Variants in UGT1A10 observed in about 807,000 individuals in gnomAD.
UGT1A10 encodes the protein UDP-glucuronosyltransferase 1A10.
A neutral mutation model predicts 45.8 loss-of-function variants in UGT1A10; 49 were observed. The ratio of observed to expected loss-of-function variants is 1.07; its 90% CI spans 0.85 to 1.36. The LOEUF is 1.36. Among genes scored for constraint, UGT1A10 ranks in the 40% most tolerant of loss-of-function variants. UGT1A10 has a pLI of 0.00. For synonymous variants in UGT1A10, 284 were observed against 249.7 expected (o/e 1.14, Z -1.29); for missense variants, 745 against 668.6 (o/e 1.11, Z -1.26).
intron 1 of UGT1A10, among the ~76,000 whole-genome samples, chr2:233,715,395 T>C (rs1475144690): frequency 6.6e-6 from 1 of 152,246 alleles, no homozygotes. Context: ...TATCATTAAA[T>C]AATAATCCTT....
chr2:233,757,554 ATATATATG>A lies in UGT1A10; in HGVS notation c.856-9471_856-9464del, dbSNP rs1052235726. On this transcript the variant is annotated intron_variant, in intron 1 of 4. Transcript: ENST00000344644. ...GTAAGGAATATATATATATATATAT[ATATATATG>A]TATATATGATATAGCTATAGTCTAA... Among the ~76,000 whole-genome samples the A allele has an allele frequency of 3.8e-3, 481 of 125,326 alleles. 1 individual carries two copies. Among genetic ancestry groups the A allele is most frequent in the Non-Finnish European group, 4.6e-3 (284 of 61,224 alleles). 82.2% of individuals were successfully genotyped at this position (125,326 alleles called of 152,430 possible).
intron 1 of UGT1A10, among the ~76,000 whole-genome samples, chr2:233,663,541 G>A (rs1575409679): frequency 6.6e-6 from 1 of 152,260 alleles, no homozygotes. Flanking sequence ...CTGATCTTAG[G>A]AGTGGTTTAG....
At chr2:233,641,999 A>G (rs1229612010) in intron 1 of UGT1A10, among the ~76,000 whole-genome samples, 1 of 152,090 alleles carries the variant, frequency 6.6e-6, no homozygotes, top group Non-Finnish European at 1.5e-5. Context: ...TTTGGGTTAA[A>G]TGTGCTTGGT....
At chr2:233,651,655 C>A (rs1468775526) in intron 1 of UGT1A10, among the ~76,000 whole-genome samples, 3 of 152,126 alleles carry the variant, frequency 2.0e-5, no homozygotes, top group Admixed American at 1.3e-4. Context: ...TTTCTCTTTC[C>A]TTATTTAGAA....
chr2:233,671,895 C>G, intron 1 of UGT1A10: 1 of 1,568,798 alleles, frequency 6.4e-7, no homozygotes, highest in Non-Finnish European at 8.6e-7. Context: ...ATCATAGGAG[C>G]TTAGATTCCC....
At chr2:233,662,817 GTT>G (rs34052709) in intron 1 of UGT1A10, among the ~76,000 whole-genome samples, 94 of 139,366 alleles carry the variant, frequency 6.7e-4, no homozygotes, top group African/African-American at 1.6e-3. Flanking sequence ...TTTGCTGAGA[GTT>G]TTTTTTTTTT....
intron 1 of UGT1A10, among the ~76,000 whole-genome samples, chr2:233,761,933 C>T (rs1191781087): frequency 1.3e-5 from 2 of 152,210 alleles, no homozygotes; most frequent in Admixed American, 1.3e-4. Flanking sequence ...AGGCACTTCC[C>T]AGGTGCTGCG....
At chr2:233,747,791 T>C in intron 1 of UGT1A10, 7 of 1,613,564 alleles carry the variant, frequency 4.3e-6, no homozygotes, top group Non-Finnish European at 5.9e-6. Context: ...CTTCCTCCTA[T>C]ATTCCTAAGT....
rs147479386 is a variant in UGT1A10 at position 233,767,984 on chromosome 2, G to A, written c.1075+48G>A. The A allele has an allele frequency of 9.4e-4, 1,519 of 1,614,138 alleles. 17 individuals carry two copies. The African/African-American group carries it at 0.018, about 19-fold the overall frequency. On this transcript the variant is annotated intron_variant, in intron 3 of 4. Transcript: ENST00000344644. ...ATAGGTCAAACCAGGGTCAAATTAAGAAAATGGCTTAAGCACAGCTATTCT... is the reference window on the plus strand; with the variant it reads ...ATAGGTCAAACCAGGGTCAAATTAAAAAAATGGCTTAAGCACAGCTATTCT...
rs1263379860 is a variant in UGT1A10 at position 233,724,980 on chromosome 2, C to T, written c.856-42054C>T. 2.1e-5 allele frequency among the ~76,000 whole-genome samples: 3 copies of T among 144,408 alleles called. 1 individual carries two copies. Among genetic ancestry groups the T allele is most frequent in the East Asian group, 2.1e-4 (1 of 4,756 alleles). The allele number at this position is 144,408 out of a possible 152,430, so 94.7% of individuals were successfully genotyped here. Reference sequence around the variant, plus strand: ...GGGAGGCCGAGGTTGGCGGATCACTCGCGGTTAGGGGCTGGAGACCGGCCC... The same window carrying T: ...GGGAGGCCGAGGTTGGCGGATCACTTGCGGTTAGGGGCTGGAGACCGGCCC... On this transcript the variant is annotated intron_variant, in intron 1 of 4. Transcript: ENST00000344644.
At chr2:233,674,157 AAC>A (rs1364542025) in intron 1 of UGT1A10, among the ~76,000 whole-genome samples, 62 of 152,294 alleles carry the variant, frequency 4.1e-4, no homozygotes, top group Middle Eastern at 6.8e-3. Flanking sequence ...TAGACTTGGT[AAC>A]ACAGTCATAT....
intron 1 of UGT1A10, among the ~76,000 whole-genome samples, chr2:233,673,121 T>A (rs942765449): frequency 6.6e-6 from 1 of 152,190 alleles, no homozygotes; most frequent in South Asian, 2.1e-4. Context: ...GAGGAAATGG[T>A]CTTAGTTTTG....
chr2:233,735,701 C>T (rs2078683713), intron 1 of UGT1A10, among the ~76,000 whole-genome samples: 1 of 151,894 alleles, frequency 6.6e-6, no homozygotes, highest in South Asian at 2.1e-4. Flanking sequence ...GTAAGGCAGG[C>T]CTGGTGGTGA....
Position 233,747,232 on chromosome 2 carries a change from G to T in UGT1A10, c.856-19802G>T. 2.5e-6 allele frequency: 4 copies of T among 1,605,196 alleles called. 1 individual carries two copies. The highest frequency in any genetic ancestry group is 2.2e-5 in the South Asian group (2 of 90,296). On this transcript the variant is annotated intron_variant, in intron 1 of 4. Coordinates refer to ENST00000344644, the MANE Select transcript of UGT1A10 (RefSeq NM_019075.4). ...TGCTGAGATGGCCACAGGACCCCAGGTTCCCCTGCTGTGGCTGGCCACAGG... is the reference window on the plus strand; with the variant it reads ...TGCTGAGATGGCCACAGGACCCCAGTTTCCCCTGCTGTGGCTGGCCACAGG...
intron 1 of UGT1A10, among the ~76,000 whole-genome samples, chr2:233,742,133 C>T (rs1691882264): frequency 6.6e-6 from 1 of 151,894 alleles, no homozygotes; most frequent in African/African-American, 2.4e-5. Context: ...GAGACCCTAA[C>T]CCAGCAGCGC....
intron 1 of UGT1A10, among the ~76,000 whole-genome samples, chr2:233,680,498 G>T (rs565945419): frequency 6.6e-6 from 1 of 152,146 alleles, no homozygotes. Flanking sequence ...ACCATCTTGT[G>T]CTTCTACAAG....
At chr2:233,688,964 A>T (rs562862783) in intron 1 of UGT1A10, among the ~76,000 whole-genome samples, 1 of 152,182 alleles carries the variant, frequency 6.6e-6, no homozygotes, top group African/African-American at 2.4e-5. Context: ...TTGGAATCAT[A>T]GCATGTTCTT....
At chr2:233,755,148 T>TAGC in intron 1 of UGT1A10, 2 of 1,299,464 alleles carry the variant, frequency 1.5e-6, no homozygotes, top group East Asian at 9.2e-5. Context: ...TCTCACCGCT[T>TAGC]CCTCCCTGTC....
intron 1 of UGT1A10, among the ~76,000 whole-genome samples, chr2:233,695,422 C>CCTT (rs34487948): frequency 1.3e-3 from 197 of 151,064 alleles, no homozygotes; most frequent in African/African-American, 4.5e-3. Flanking sequence ...CCGCGCCCGG[C>CCTT]CTTCTTCTTC....
Sources: gnomAD v4.1 joint callset for allele counts (sites outside exome capture counted in the v4.1 genomes callset) on GRCh38, gnomAD v4.1.1 for gene constraint, MANE v1.5 for transcripts, NCBI Gene and HGNC (gene_info 2026-07-23, HGNC 2026-07-21) for gene names.